Variants in OPA3 observed in about 807,000 individuals in gnomAD.
The protein encoded by OPA3 is outer mitochondrial membrane lipid metabolism regulator OPA3, also known as optic atrophy 3 protein.
Under a neutral mutation model 4.0 loss-of-function variants are expected in OPA3, and 6 were observed. The observed-to-expected ratio is 1.51, with a 90% CI of 0.83 to 2.99. The LOEUF (loss-of-function observed/expected upper bound fraction) is 2.99. OPA3 is among the 30% of genes most tolerant of loss of function. The probability of loss-of-function intolerance (pLI) is 0.00; values close to 1 mark genes in which losing one functional copy is unlikely to be tolerated. For missense variants in OPA3, 235 were observed against 256.2 expected (o/e 0.92, Z 0.56); for synonymous variants, 105 against 117.1 (o/e 0.90, Z 0.67).
Position 45,550,243 on chromosome 19 carries a change from G to A in OPA3, c.*3271C>T, listed in dbSNP as rs887313631. ...TGGCTTTCTATCTGGGCAGATCTTG[G>A]TCCAGGCCAGTTTTACCTCTTTAGA... On this transcript the variant is annotated 3_prime_UTR_variant, in exon 2 of 2. Coordinates refer to ENST00000263275, the MANE Select transcript of OPA3 (RefSeq NM_025136.4). 2 of 985,260 alleles carry A rather than the reference G, an allele frequency of 2.0e-6. No individual in the cohort carries two copies. Among genetic ancestry groups the A allele is most frequent in the Non-Finnish European group, 1.2e-6 (1 of 829,920 alleles). 61.0% of individuals were successfully genotyped at this position (985,260 alleles called of 1,614,324 possible). A position where few individuals can be genotyped will look rare whatever the true frequency, so the allele number is the denominator to read the frequency against.
At chr19:45,582,116 C>A (rs112940754) in intron 1 of OPA3, among the ~76,000 whole-genome samples, 2,971 of 151,798 alleles carry the variant, frequency 0.02, 40 homozygotes, top group Non-Finnish European at 0.029. Flanking sequence ...TACCATTACT[C>A]AAATCAGTCT....
At chr19:45,530,978 CAG>C (rs1225766813) in intron 1 of OPA3, among the ~76,000 whole-genome samples, 3 of 101,840 alleles carry the variant, frequency 2.9e-5, no homozygotes, top group African/African-American at 1.2e-4. Flanking sequence ...TTAGTAGAGA[CAG>C]GGTTTCACTA....
At chr19:45,528,946 G>A (rs1969025727) in exon 2 of OPA3, 2 of 1,322,574 alleles carry the variant, frequency 1.5e-6, no homozygotes, top group Admixed American at 4.5e-5. Context: ...CGAAGGACTG[G>A]GTGGTGTCAG....
intron 1 of OPA3, among the ~76,000 whole-genome samples, chr19:45,570,892 C>A (rs1969653302): frequency 7.0e-6 from 1 of 142,666 alleles, no homozygotes; most frequent in African/African-American, 2.6e-5. Context: ...CAAAGCCAGA[C>A]TCTCACAGAG....
intron 1 of OPA3, among the ~76,000 whole-genome samples, chr19:45,529,656 C>G (rs755873576): frequency 6.6e-6 from 1 of 152,242 alleles, no homozygotes; most frequent in Non-Finnish European, 1.5e-5. Context: ...TAACTAATGA[C>G]TTACTCATGT....
chr19:45,572,109 A>G (rs1969674789), intron 1 of OPA3, among the ~76,000 whole-genome samples: 1 of 141,474 alleles, frequency 7.1e-6, no homozygotes, highest in South Asian at 2.2e-4. Context: ...ATATATATAT[A>G]TCAATATATA....
intron 1 of OPA3, among the ~76,000 whole-genome samples, chr19:45,529,929 T>C (rs1416455370): frequency 2.6e-5 from 4 of 151,886 alleles, no homozygotes; most frequent in African/African-American, 9.7e-5. Flanking sequence ...AAATGGGGGC[T>C]CCTTGCGTTG....
chr19:45,548,019 G>T lies in OPA3; in HGVS notation c.*5495C>A. 1 of 686,752 alleles carries T rather than the reference G, an allele frequency of 1.5e-6. No individual in the cohort carries two copies. Among genetic ancestry groups the T allele is most frequent in the Non-Finnish European group, 1.8e-6 (1 of 557,160 alleles). The allele number at this position is 686,752 out of a possible 1,614,324, so 42.5% of individuals were successfully genotyped here. A position where few individuals can be genotyped will look rare whatever the true frequency, so the allele number is the denominator to read the frequency against. On this transcript the variant is annotated 3_prime_UTR_variant, in exon 2 of 2. Transcript: ENST00000263275. Reference sequence around the variant, plus strand: ...GCCACTCTTTCCTTCTTTATTGCCGGTCTCTGGCACTAGAATGTCAGCTCC... The same window carrying T: ...GCCACTCTTTCCTTCTTTATTGCCGTTCTCTGGCACTAGAATGTCAGCTCC...
intron 1 of OPA3, among the ~76,000 whole-genome samples, chr19:45,559,513 C>G (rs1337519542): frequency 1.4e-5 from 2 of 146,222 alleles, no homozygotes; most frequent in Non-Finnish European, 3.0e-5. Context: ...GTGATTCTCT[C>G]ACCTCAGCCT....
chr19:45,578,801 T>A (rs970318696), intron 1 of OPA3, among the ~76,000 whole-genome samples: 15 of 152,126 alleles, frequency 9.9e-5, no homozygotes, highest in Non-Finnish European at 1.9e-4. Flanking sequence ...CACTCCAGCC[T>A]GGGTGTCGGA....
chr19:45,528,894 G>A (rs1223616692), exon 2 of OPA3: 25 of 782,698 alleles, frequency 3.2e-5, no homozygotes, highest in Non-Finnish European at 4.9e-5. Context: ...AGGTTAGTAG[G>A]GAGGTTCGAT....
intron 1 of OPA3, among the ~76,000 whole-genome samples, chr19:45,576,349 G>A (rs1969766963): frequency 6.6e-6 from 1 of 152,166 alleles, no homozygotes; most frequent in Non-Finnish European, 1.5e-5. Flanking sequence ...TAGCCAACAT[G>A]GTGAAACCCT....
intron 1 of OPA3, among the ~76,000 whole-genome samples, chr19:45,571,075 T>C (rs1969659233): frequency 6.6e-6 from 1 of 151,410 alleles, no homozygotes; most frequent in Non-Finnish European, 1.5e-5. Context: ...GCATATAATA[T>C]AACCATACTA....
rs574167850 is a variant in OPA3, at chr19:45,531,810, A to G, written c.143-2354T>C. On this transcript the variant is annotated intron_variant, in intron 1 of 1. Transcript: ENST00000323060. Reference sequence around the variant, plus strand: ...TCCCTGTGGCACTGACATTGCACCAAGATGAATGTTTTTCTTATTCCCCTT... The same window carrying G: ...TCCCTGTGGCACTGACATTGCACCAGGATGAATGTTTTTCTTATTCCCCTT... Among the ~76,000 whole-genome samples, 17 of 152,344 alleles carry G rather than the reference A, an allele frequency of 1.1e-4. No individual in the cohort carries two copies. In the South Asian group the frequency reaches 3.3e-3, roughly 30 times the overall value.
In OPA3 at chr19:45,553,531, G is replaced by C. The variant is rs1490342658; in HGVS notation, c.523C>G (p.Pro175Ala). The change falls in exon 2 of 2, where the codon CCT becomes GCT. Residue 175 changes from proline to alanine, a missense_variant. By Grantham distance (27) the Pro-to-Ala change is conservative (BLOSUM62 -1). Coordinates refer to ENST00000263275, the MANE Select transcript of OPA3 (RefSeq NM_025136.4). ...NPGRSASHAV[P>A]ASKK ...GCAAGCTCCTATTTCTTGGACGCAG[G>C]CACTGCGTGGGAAGCGGACCGGCCG... is the stretch of plus-strand genomic sequence containing the variant. 6.2e-7 allele frequency: 1 copy of C among 1,613,250 alleles called. No individual in the cohort carries two copies. The highest frequency in any genetic ancestry group is 1.7e-5 in the Admixed American group (1 of 60,008).
rs1421018534 is a variant in OPA3, at chr19:45,562,353, AAAAAAAAAAAG to A, written c.143-8453_143-8443del. 9.0e-5 allele frequency among the ~76,000 whole-genome samples: 13 copies of A among 144,892 alleles called. No homozygotes were observed. The South Asian group carries it at 1.3e-3, about 15-fold the overall frequency. ...AGTGAGACTCCATCTCAAAAAAAAA[AAAAAAAAAAAG>A]AAAAGAAAAAGGAAAAAGAAATTCC... On this transcript the variant is annotated intron_variant, in intron 1 of 1. Transcript: ENST00000263275.
At chr19:45,569,438 G>A (rs774634220) in intron 1 of OPA3, among the ~76,000 whole-genome samples, 5 of 152,146 alleles carry the variant, frequency 3.3e-5, no homozygotes, top group African/African-American at 2.4e-5. Context: ...CAGCCTGGGC[G>A]ACAGAGCAAG....
chr19:45,576,191 C>T (rs1423868885), intron 1 of OPA3, among the ~76,000 whole-genome samples: 1 of 151,210 alleles, frequency 6.6e-6, no homozygotes, highest in Non-Finnish European at 1.5e-5. Flanking sequence ...CCACTGTAAT[C>T]CAGCCTGGGC....
intron 1 of OPA3, among the ~76,000 whole-genome samples, chr19:45,583,863 G>A (rs1969891902): frequency 6.6e-6 from 1 of 152,148 alleles, no homozygotes; most frequent in African/African-American, 2.4e-5. Context: ...CTGGCCTCAG[G>A]TCCCTGGGTC....
Sources: allele counts gnomAD v4.1 joint callset (sites outside exome capture counted in the v4.1 genomes callset), GRCh38; gene constraint gnomAD v4.1.1; transcripts MANE v1.5; gene names NCBI Gene and HGNC (gene_info 2026-07-23, HGNC 2026-07-21).